FOXP2: variants seen among roughly 807,000 people sequenced by gnomAD.
The protein encoded by FOXP2 is forkhead box protein P2.
A neutral mutation model predicts 115.8 loss-of-function variants in FOXP2; 12 were observed. That is an observed-to-expected ratio of 0.10 (90% CI 0.07 to 0.17). The LOEUF is 0.17. Among genes scored for constraint, FOXP2 ranks in the 10% least tolerant of loss-of-function variants. FOXP2 has a pLI of 1.00. For synonymous variants in FOXP2, 328 were observed against 297.7 expected, an observed-to-expected ratio of 1.10 and a Z score of -1.05; for missense variants, 629 against 843.5, an observed-to-expected ratio of 0.75 and a Z score of 3.15.
At chr7:114,570,797 T>G in intron 3 of FOXP2, 1 of 1,610,248 alleles carries the variant, frequency 6.2e-7, no homozygotes, top group Non-Finnish European at 8.5e-7. Flanking sequence ...ATTCTCTTTG[T>G]TTAACCTAGG....
intron 1 of FOXP2, among the ~76,000 whole-genome samples, chr7:114,263,794 C>A (rs1470074058): frequency 1.3e-5 from 2 of 151,374 alleles, no homozygotes; most frequent in East Asian, 2.0e-4. Flanking sequence ...TTTAAAGGAA[C>A]CATAACAGTT....
At chr7:114,560,829 A>G (rs895724901) in intron 3 of FOXP2, 3 of 152,214 alleles carry the variant, frequency 2.0e-5, no homozygotes, top group African/African-American at 4.8e-5. Flanking sequence ...TGAAATATGT[A>G]TATTAAATTT....
chr7:114,243,471 T>C (rs896138999), intron 1 of FOXP2, among the ~76,000 whole-genome samples: 5 of 152,034 alleles, frequency 3.3e-5, no homozygotes, highest in Non-Finnish European at 5.9e-5. Flanking sequence ...CCAGTGTGAG[T>C]GATATTTTTA....
intron 16 of FOXP2, among the ~76,000 whole-genome samples, chr7:114,672,771 T>A (rs955706102): frequency 6.6e-6 from 1 of 152,118 alleles, no homozygotes; most frequent in Non-Finnish European, 1.5e-5. Context: ...CCTAGTGACA[T>A]GAGCAATATG....
At chr7:114,513,912 G>A (rs985044578) in intron 2 of FOXP2, among the ~76,000 whole-genome samples, 4 of 151,602 alleles carry the variant, frequency 2.6e-5, no homozygotes, top group African/African-American at 9.7e-5. Context: ...AGCAAAATAG[G>A]GTCCAAACTG....
rs534351082 is a variant in FOXP2 at position 114,510,203 on chromosome 7, G to C, written c.169-24414G>C. Among the ~76,000 whole-genome samples the C allele has an allele frequency of 2.4e-3, 364 of 152,214 alleles. 1 individual carries two copies. The highest frequency in any genetic ancestry group is 4.2e-3 in the Non-Finnish European group (283 of 67,992). On this transcript the variant is annotated intron_variant, in intron 2 of 16. Transcript: ENST00000350908. ...TGTACAGAAGAGACCTCCTGAATGA[G>C]GTGAATCAAAATTTTCATCTCAGTG...
Position 114,327,907 on chromosome 7 carries a change from TTTTTCTTTTC to T in FOXP2, c.-11+39810_-11+39819del, listed in dbSNP as rs535803092. ...TATTTATTTATTTTTATTTACTTATTTTTTCTTTTCTTTTCTTTTCTATTTTAATTTTTGA... is the reference window on the plus strand; with the variant it reads ...TATTTATTTATTTTTATTTACTTATTTTTTCTTTTCTATTTTAATTTTTGA... On this transcript the variant is annotated intron_variant, in intron 2 of 17. Coordinates refer to the FOXP2 transcript ENST00000634411. 2.4e-3 allele frequency among the ~76,000 whole-genome samples: 365 copies of T among 151,736 alleles called. 1 individual carries two copies. The highest frequency in any genetic ancestry group is 8.1e-3 in the African/African-American group (336 of 41,422).
At chr7:114,095,846 A>G (rs1208470518) in intron 1 of FOXP2, among the ~76,000 whole-genome samples, 2 of 152,168 alleles carry the variant, frequency 1.3e-5, no homozygotes, top group Non-Finnish European at 2.9e-5. Flanking sequence ...TATCCAGTCT[A>G]TGCATTGTGC....
intron 2 of FOXP2, among the ~76,000 whole-genome samples, chr7:114,503,882 A>T (rs962733892): frequency 6.0e-5 from 9 of 151,252 alleles, no homozygotes; most frequent in Non-Finnish European, 1.0e-4. Context: ...ATTATATCAA[A>T]ATTTAATATA....
At chr7:114,656,313 GT>G (rs35841155) in intron 10 of FOXP2, 24,636 of 182,198 alleles carry the variant, frequency 0.14, 4,099 homozygotes, top group African/African-American at 0.44. Flanking sequence ...ATCCAGCTGA[GT>G]TTTTTTTTTT....
chr7:114,425,467 G>T (rs1793803259), intron 1 of FOXP2, among the ~76,000 whole-genome samples: 1 of 151,562 alleles, frequency 6.6e-6, no homozygotes, highest in African/African-American at 2.4e-5. Flanking sequence ...TGAAATTCTG[G>T]TTTGTAAGAG....
chr7:114,517,411 C>A (rs527586978), intron 2 of FOXP2, among the ~76,000 whole-genome samples: 1 of 152,192 alleles, frequency 6.6e-6, no homozygotes, highest in East Asian at 1.9e-4. Flanking sequence ...CCAAATAATT[C>A]TTGCCTACAT....
At chr7:114,287,117 T>C (rs756072859) in intron 1 of FOXP2, among the ~76,000 whole-genome samples, 12 of 152,132 alleles carry the variant, frequency 7.9e-5, no homozygotes, top group African/African-American at 2.6e-4. Context: ...CAGAGTGTTA[T>C]GTGAGTCAAA....
chr7:114,096,482 C>T (rs141972457), intron 1 of FOXP2, among the ~76,000 whole-genome samples: 8 of 152,244 alleles, frequency 5.3e-5, no homozygotes, highest in South Asian at 2.1e-4. Flanking sequence ...CATCCCTAAT[C>T]GTACGTGTCC....
chr7:114,375,503 G>T (rs1353955500), intron 2 of FOXP2, among the ~76,000 whole-genome samples: 2 of 152,118 alleles, frequency 1.3e-5, no homozygotes, highest in South Asian at 2.1e-4. Context: ...CTGGTATGGT[G>T]GTTGTTTTAG....
At chr7:114,387,367 C>T (rs1291308860) in intron 2 of FOXP2, among the ~76,000 whole-genome samples, 3 of 152,138 alleles carry the variant, frequency 2.0e-5, no homozygotes, top group Non-Finnish European at 4.4e-5. Context: ...CCTGACATGC[C>T]ACACAGTACA....
chr7:114,607,777 A>G (rs1803408780), intron 3 of FOXP2, among the ~76,000 whole-genome samples: 1 of 152,218 alleles, frequency 6.6e-6, no homozygotes, highest in Non-Finnish European at 1.5e-5. Context: ...AAAACACTTC[A>G]TGTAGAAATG....
At chr7:114,597,349 T>C (rs2129311660) in intron 3 of FOXP2, among the ~76,000 whole-genome samples, 1 of 152,254 alleles carries the variant, frequency 6.6e-6, no homozygotes, top group South Asian at 2.1e-4. Flanking sequence ...ATAATTTCAC[T>C]GAAAGTATTT....
At chr7:114,666,476 G>A (rs1389650986) in intron 16 of FOXP2, 1 of 151,972 alleles carries the variant, frequency 6.6e-6, no homozygotes, top group Non-Finnish European at 1.5e-5. Flanking sequence ...ACCATGTTAT[G>A]TATTTTATTA....
Sources: gnomAD v4.1 joint callset for allele counts (sites outside exome capture counted in the v4.1 genomes callset) on GRCh38, gnomAD v4.1.1 for gene constraint, MANE v1.5 for transcripts, NCBI Gene and HGNC (gene_info 2026-07-23, HGNC 2026-07-21) for gene names.